The following NTM variants were observed in gnomAD, a reference collection of about 807,000 sequenced individuals.
NTM encodes the protein neurotrimin, also known as IgLON family member 2.
In NTM, 13 loss-of-function variants were observed where a neutral mutation model predicts 42.1. The ratio of observed to expected loss-of-function variants is 0.31; its 90% confidence interval spans 0.20 to 0.49. The LOEUF (loss-of-function observed/expected upper bound fraction) is 0.49, where lower values mean the gene tolerates loss of function less well. Ranked by LOEUF, NTM falls within the 20% of genes least tolerant of loss-of-function variation. The pLI, the probability that NTM is intolerant of heterozygous loss-of-function variation, is 0.99. For missense variants in NTM, 373 were observed against 452.8 expected, an observed-to-expected ratio of 0.82 and a Z score of 1.60; for synonymous variants, 187 against 179.2, an observed-to-expected ratio of 1.04 and a Z score of -0.35.
chr11:131,940,866 T>C (rs1190178943), intron 2 of NTM, among the ~76,000 whole-genome samples: 1 of 152,238 alleles, frequency 6.6e-6, no homozygotes, highest in Non-Finnish European at 1.5e-5. Context: ...GTAAATGGAT[T>C]AACCTTGCTT....
chr11:131,667,954 TC>T (rs2069373098), intron 1 of NTM, among the ~76,000 whole-genome samples: 1 of 152,188 alleles, frequency 6.6e-6, no homozygotes, highest in Admixed American at 6.5e-5. Context: ...AAGTTAATAG[TC>T]ATAGTTGCCA....
Position 132,003,257 on chromosome 11 carries a change from CTTTT to C in NTM, c.167+91618_167+91621del, listed in dbSNP as rs879657772. Among the ~76,000 whole-genome samples, 3 of 132,242 alleles carry C rather than the reference CTTTT, an allele frequency of 2.3e-5. No individual in the cohort carries two copies. The highest frequency in any genetic ancestry group is 8.5e-5 in the African/African-American group (3 of 35,484). The allele number at this position is 132,242 out of a possible 152,430, so 86.8% of individuals were successfully genotyped here. On this transcript the variant is annotated intron_variant, in intron 2 of 8. Transcript: ENST00000683400. The surrounding 1 kb of genome is among the most constrained non-coding windows in gnomAD (Gnocchi z 6.0). ...ACCCACACCCTTAGAGTTTTTTTTT[CTTTT>C]TTTTTTTTGACAGGTTATTTGTTGC...
intron 2 of NTM, among the ~76,000 whole-genome samples, chr11:132,027,266 T>G (rs1435646542): frequency 6.6e-6 from 1 of 152,222 alleles, no homozygotes; most frequent in Non-Finnish European, 1.5e-5. Flanking sequence ...GATGAATTTG[T>G]GCTGATTGTC....
intron 4 of NTM, among the ~76,000 whole-genome samples, chr11:132,212,958 CAAA>C (rs11442460): frequency 1.4e-5 from 2 of 140,274 alleles, no homozygotes; most frequent in Non-Finnish European, 3.1e-5. Flanking sequence ...AGACAGATGA[CAAA>C]AAAAAAAAGA....
intron 7 of NTM, among the ~76,000 whole-genome samples, chr11:132,319,302 A>AG (rs2095506422): frequency 6.6e-6 from 1 of 152,186 alleles, no homozygotes; most frequent in South Asian, 2.1e-4. Flanking sequence ...ACCGTGTGCG[A>AG]GCCGAAGCAT....
intron 4 of NTM, among the ~76,000 whole-genome samples, chr11:132,295,987 AAAGT>A (rs2094595403): frequency 6.6e-6 from 1 of 152,236 alleles, no homozygotes; most frequent in African/African-American, 2.4e-5. Flanking sequence ...TGGAAGCTGT[AAAGT>A]GAGTGGAAAC....
intron 2 of NTM, among the ~76,000 whole-genome samples, chr11:132,038,797 G>A (rs1242514696): frequency 1.3e-5 from 2 of 152,128 alleles, no homozygotes; most frequent in Admixed American, 6.5e-5. Context: ...CCCAAAGGAC[G>A]TCTCGCCTGT....
At chr11:131,440,687 T>C (rs559058338) in intron 1 of NTM, among the ~76,000 whole-genome samples, 181 of 151,740 alleles carry the variant, frequency 1.2e-3, no homozygotes, top group Non-Finnish European at 2.4e-3. Context: ...GAGAATAAGC[T>C]CTCTATCTCT....
At chr11:131,473,438 AT>A (rs909569598) in intron 1 of NTM, among the ~76,000 whole-genome samples, 3 of 152,100 alleles carry the variant, frequency 2.0e-5, no homozygotes, top group African/African-American at 7.2e-5. Flanking sequence ...AAACTCATGC[AT>A]TTTTTTAAGC....
At chr11:132,178,414 A>G (rs2077117626) in intron 3 of NTM, among the ~76,000 whole-genome samples, 1 of 152,242 alleles carries the variant, frequency 6.6e-6, no homozygotes, top group Non-Finnish European at 1.5e-5. Flanking sequence ...AGAAATTTCC[A>G]GCCTAACCTA....
intron 4 of NTM, among the ~76,000 whole-genome samples, chr11:132,290,281 G>GTACAC (rs1049100160): frequency 3.3e-5 from 5 of 151,134 alleles, no homozygotes; most frequent in Non-Finnish European, 7.4e-5. Context: ...TATTATCACT[G>GTACAC]TACACATGTA....
At chr11:131,556,767 C>A (rs189707973) in intron 1 of NTM, among the ~76,000 whole-genome samples, 1 of 152,098 alleles carries the variant, frequency 6.6e-6, no homozygotes, top group Non-Finnish European at 1.5e-5. Flanking sequence ...GGGTTTTCAC[C>A]GTATTGGCCA....
chr11:131,586,508 A>G (rs1325971517), intron 1 of NTM, among the ~76,000 whole-genome samples: 2 of 152,088 alleles, frequency 1.3e-5, no homozygotes, highest in African/African-American at 2.4e-5. Flanking sequence ...TAATGGTCAT[A>G]TGAGTGAGCT....
At chr11:132,274,404 T>G (rs1427583681) in intron 4 of NTM, among the ~76,000 whole-genome samples, 2 of 152,018 alleles carry the variant, frequency 1.3e-5, no homozygotes, top group Admixed American at 6.6e-5. Flanking sequence ...AAGTTTTTGG[T>G]TTTTGTTATT....
At chr11:131,926,579 TG>T (rs377081196) in intron 2 of NTM, among the ~76,000 whole-genome samples, 2 of 151,946 alleles carry the variant, frequency 1.3e-5, no homozygotes, top group Non-Finnish European at 2.9e-5. Context: ...CAAAGGGATC[TG>T]GGGGGTCCTC....
intron 1 of NTM, among the ~76,000 whole-genome samples, chr11:131,634,407 A>G (rs1357260764): frequency 6.6e-6 from 1 of 152,184 alleles, no homozygotes; most frequent in Admixed American, 6.5e-5. Flanking sequence ...GAAAAAAAAA[A>G]AAAGTGCTTT....
chr11:132,315,002 A>G, intron 7 of NTM: 4 of 1,154,546 alleles, frequency 3.5e-6, no homozygotes, highest in Non-Finnish European at 4.3e-6. Context: ...ATGAAAAAGA[A>G]TGTTCATGTT....
chr11:131,825,874 C>T (rs1278690958), intron 1 of NTM, among the ~76,000 whole-genome samples: 1 of 151,998 alleles, frequency 6.6e-6, no homozygotes, highest in Admixed American at 6.6e-5. Context: ...GTTTATAGTA[C>T]CATTTAAATA....
intron 1 of NTM, among the ~76,000 whole-genome samples, chr11:131,580,082 T>G (rs2137168854): frequency 6.6e-6 from 1 of 152,242 alleles, no homozygotes; most frequent in South Asian, 2.1e-4. Context: ...GGTTGAGCAG[T>G]GGGGCTATCT....
Sources: allele counts gnomAD v4.1 joint callset (sites outside exome capture counted in the v4.1 genomes callset), GRCh38; gene constraint gnomAD v4.1.1; non-coding constraint Gnocchi (gnomAD v3.1); transcripts MANE v1.5; gene names NCBI Gene and HGNC (gene_info 2026-07-23, HGNC 2026-07-21).